ABCD2: variants seen among roughly 807,000 people sequenced by gnomAD.
The protein encoded by ABCD2 is ATP binding cassette subfamily D member 2, also known as ATP-binding cassette sub-family D member 2.
In ABCD2, 36 loss-of-function variants were observed where a neutral mutation model predicts 70.9. The ratio of observed to expected loss-of-function variants is 0.51; its 90% CI spans 0.39 to 0.67. The LOEUF (loss-of-function observed/expected upper bound fraction) is 0.67. Among genes scored for constraint, ABCD2 ranks in the 30% least tolerant of loss-of-function variants. ABCD2 has a pLI of 0.00. For missense variants in ABCD2, 729 were observed against 890.2 expected (o/e 0.82, Z 2.30); for synonymous variants, 304 against 306.9 (o/e 0.99, Z 0.10).
At chr12:39,577,771 G>C (rs1166193326) in intron 8 of ABCD2, among the ~76,000 whole-genome samples, 2 of 151,994 alleles carry the variant, frequency 1.3e-5, no homozygotes, top group East Asian at 3.8e-4. Context: ...AGTATTTAGG[G>C]AAAAATATCA....
chr12:39,563,891 C>T (rs570457392), intron 9 of ABCD2, among the ~76,000 whole-genome samples: 50 of 152,094 alleles, frequency 3.3e-4, no homozygotes, highest in Non-Finnish European at 5.6e-4. Flanking sequence ...GTTTTTTTGT[C>T]CTTGCGATAG....
rs1214895990 is a variant in ABCD2 at position 39,573,776 on chromosome 12, A to G, written c.1943T>C (p.Phe648Ser). 6.2e-7 allele frequency: 1 copy of G among 1,613,326 alleles called. No individual in the cohort carries two copies. The highest frequency in any genetic ancestry group is 8.5e-7 in the Non-Finnish European group (1 of 1,179,496). Residue 648 changes from phenylalanine (F) to serine (S), a missense_variant, in exon 9 of 10, where the codon TTT becomes TCT. Coordinates refer to ENST00000308666, the MANE Select transcript of ABCD2 (RefSeq NM_005164.4). ...AVSIDVEGKI[F>S]QAAKGAGISL... is the part of the protein sequence containing the mutation. ...AATTCCAGCCCCTTTTGCAGCCTGA[A>G]ATATCTTTCCTTCGACATCAATGCT...
chr12:39,606,469 A>T (rs1271962329), intron 3 of ABCD2, among the ~76,000 whole-genome samples: 1 of 152,212 alleles, frequency 6.6e-6, no homozygotes, highest in Non-Finnish European at 1.5e-5. Context: ...AGAAAAACTA[A>T]TTGTTATCAT....
chr12:39,571,383 A>G (rs1444757012), intron 9 of ABCD2, among the ~76,000 whole-genome samples: 2 of 152,178 alleles, frequency 1.3e-5, no homozygotes, highest in African/African-American at 4.8e-5. Flanking sequence ...ATACTACTCC[A>G]CTGTAAAAAA....
chr12:39,616,840 T>A, intron 2 of ABCD2, 148 bp downstream of exon 2: 2 of 619,932 alleles, frequency 3.2e-6, no homozygotes, highest in Non-Finnish European at 5.0e-6. Flanking sequence ...GTCTTATCAC[T>A]GGACGCTGTA....
At chr12:39,554,768 A>T (rs1402008274) in intron 9 of ABCD2, among the ~76,000 whole-genome samples, 1 of 152,152 alleles carries the variant, frequency 6.6e-6, no homozygotes, top group Non-Finnish European at 1.5e-5. Context: ...ATAGGAGATG[A>T]TCCACCTTGT....
the ABCD2 span, among the ~76,000 whole-genome samples, chr12:39,534,730 A>AAGGAAG: frequency 1.4e-5 from 1 of 70,152 alleles, no homozygotes; most frequent in South Asian, 6.2e-4. Context: ...AAGGAAGGAA[A>AAGGAAG]AGAAGGAAGG....
intron 3 of ABCD2, 146 bp downstream of exon 3, chr12:39,607,453 T>A (rs953740150): frequency 1.5e-5 from 9 of 614,592 alleles, no homozygotes; most frequent in Admixed American, 6.2e-5. Context: ...ACTTGTGAAT[T>A]GCTGCCCTTA....
intron 7 of ABCD2, among the ~76,000 whole-genome samples, chr12:39,585,018 A>G (rs113318517): frequency 0.043 from 6,563 of 152,130 alleles, 184 homozygotes; most frequent in African/African-American, 0.079. Context: ...CTTGGTTCCA[A>G]ACAAATTTTA....
intron 9 of ABCD2, among the ~76,000 whole-genome samples, chr12:39,562,541 G>T (rs117699276): frequency 0.015 from 2,313 of 152,102 alleles, 25 homozygotes; most frequent in Middle Eastern, 0.034. Context: ...AGAATGATGA[G>T]ACTGTTGTAA....
chr12:39,610,937 AATACTAAGCAGTTTTT>A (rs763855073), intron 2 of ABCD2, among the ~76,000 whole-genome samples: 69 of 152,292 alleles, frequency 4.5e-4, no homozygotes, highest in South Asian at 2.1e-3. Context: ...CATGACCTAA[AATACTAAGCAGTTTTT>A]ATTCTAGGTC....
chr12:39,615,104 T>C (rs571338265), intron 2 of ABCD2, among the ~76,000 whole-genome samples: 1 of 152,170 alleles, frequency 6.6e-6, no homozygotes, highest in African/African-American at 2.4e-5. Flanking sequence ...GCTTGTTAGA[T>C]TCTTTGTATA....
At chr12:39,565,026 C>CTGTA (rs1456554908) in intron 9 of ABCD2, among the ~76,000 whole-genome samples, 2 of 152,194 alleles carry the variant, frequency 1.3e-5, no homozygotes, top group Non-Finnish European at 2.9e-5. Context: ...GTTTTGTTTA[C>CTGTA]TGTAGCCTTG....
chr12:39,597,353 G>A (rs1941830512), intron 6 of ABCD2, among the ~76,000 whole-genome samples: 1 of 152,122 alleles, frequency 6.6e-6, no homozygotes, highest in African/African-American at 2.4e-5. Flanking sequence ...AAATAAACAA[G>A]TAAAAGGGTG....
chr12:39,569,264 G>A (rs1430950423), intron 9 of ABCD2, among the ~76,000 whole-genome samples: 2 of 152,224 alleles, frequency 1.3e-5, no homozygotes, highest in East Asian at 3.9e-4. Context: ...TTGAGCTGTG[G>A]TGGGCTCCAC....
chr12:39,562,214 C>T (rs1271244787), intron 9 of ABCD2, among the ~76,000 whole-genome samples: 2 of 151,872 alleles, frequency 1.3e-5, no homozygotes, highest in Non-Finnish European at 2.9e-5. Flanking sequence ...AAATTTATAG[C>T]AACAAATACC....
intron 5 of ABCD2, 27 bp from the exon 6 acceptor site, chr12:39,600,743 T>C: frequency 1.9e-6 from 3 of 1,563,648 alleles, no homozygotes; most frequent in Non-Finnish European, 2.6e-6. Flanking sequence ...AATTACAAAC[T>C]GCAATAGTTT....
intron 9 of ABCD2, among the ~76,000 whole-genome samples, chr12:39,565,196 T>A (rs1215663654): frequency 5.9e-5 from 9 of 152,216 alleles, no homozygotes; most frequent in Non-Finnish European, 1.3e-4. Flanking sequence ...GGGGATGGCA[T>A]TGAATCTATA....
At chr12:39,587,491 T>C (rs1286817803) in intron 6 of ABCD2, among the ~76,000 whole-genome samples, 7 of 152,146 alleles carry the variant, frequency 4.6e-5, no homozygotes, top group Admixed American at 4.6e-4. Flanking sequence ...TAATGCCAAA[T>C]GTCCCTGGGG....
Sources: allele counts gnomAD v4.1 joint callset (sites outside exome capture counted in the v4.1 genomes callset), GRCh38; gene constraint gnomAD v4.1.1; transcripts MANE v1.5; gene names NCBI Gene and HGNC (gene_info 2026-07-23, HGNC 2026-07-21).